Variants in KLHL12 observed in about 807,000 individuals in gnomAD.
KLHL12 encodes kelch-like protein 12.
A neutral mutation model predicts 60.8 loss-of-function variants in KLHL12; 17 were observed. The ratio of observed to expected loss-of-function variants is 0.28; its 90% CI spans 0.19 to 0.42. KLHL12 has a LOEUF of 0.42. KLHL12 is among the 10% of genes least tolerant of loss of function. The probability of loss-of-function intolerance (pLI) is 1.00; values close to 1 mark genes in which losing one functional copy is unlikely to be tolerated. For missense variants in KLHL12, 468 were observed against 722.3 expected (o/e 0.65, Z 4.04); for synonymous variants, 220 against 250.9 (o/e 0.88, Z 1.16).
chr1:202,894,163 C>T, intron 10 of KLHL12, 21 bp downstream of exon 10: 1 of 1,411,238 alleles, frequency 7.1e-7, no homozygotes, highest in South Asian at 1.2e-5. Context: ...CTATTGTCCC[C>T]TCCCTCAGAT....
intron 2 of KLHL12, among the ~76,000 whole-genome samples, chr1:202,924,673 G>C (rs1653434168): frequency 6.6e-6 from 1 of 152,186 alleles, no homozygotes; most frequent in South Asian, 2.1e-4. Context: ...AAATCCAATA[G>C]CTGACATGTG....
chr1:202,901,392 A>G (rs558037510), intron 6 of KLHL12, among the ~76,000 whole-genome samples: 1 of 152,020 alleles, frequency 6.6e-6, no homozygotes, highest in African/African-American at 2.4e-5. Context: ...CCCAGGCTCA[A>G]GCAATCCTCC....
intron 4 of KLHL12, among the ~76,000 whole-genome samples, chr1:202,915,504 C>T (rs1457956847): frequency 7.2e-5 from 11 of 152,178 alleles, no homozygotes; most frequent in Admixed American, 6.5e-4. Flanking sequence ...AGTTCTCAAG[C>T]TGTTTTTCAT....
At position 202,892,049 on chromosome 1, in the gene KLHL12, G is replaced by C. The variant is rs1218372752; in HGVS notation, c.*484C>G. The C allele has an allele frequency of 6.9e-6, 1 of 145,844 alleles. No homozygotes were observed. Among genetic ancestry groups the C allele is most frequent in the Non-Finnish European group, 1.5e-5 (1 of 67,220 alleles). The allele number at this position is 145,844 out of a possible 1,614,324, so 9.0% of individuals were successfully genotyped here. A position where few individuals can be genotyped will look rare whatever the true frequency, so the allele number is the denominator to read the frequency against. ...CTAGAATGGAACTGTGTTGCCCCTA[G>C]CTACCTGTATATGAGAAAATGTAGT... is the stretch of plus-strand genomic sequence containing the variant. On this transcript the variant is annotated 3_prime_UTR_variant, in exon 12 of 12. Coordinates refer to ENST00000367261, the MANE Select transcript of KLHL12 (RefSeq NM_021633.4).
rs1659729067 is a variant in KLHL12 at position 202,893,148 on chromosome 1, A to G, written c.1580+91T>C. ...CCACTGGAGATGTCTACCCCTACCC[A>G]AGTCTTGTCTCTGTCCAAAAATGAG... On this transcript the variant is annotated intron_variant, in intron 11 of 11. Transcript: ENST00000367261. This position sits in a 1 kb window ranked among gnomAD's most constrained non-coding sequence, Gnocchi z 4.1. The G allele has an allele frequency of 4.7e-5, 49 of 1,053,392 alleles. 1 individual carries two copies. The South Asian group carries it at 8.3e-4, about 18-fold the overall frequency. 65.3% of individuals were successfully genotyped at this position (1,053,392 alleles called of 1,614,324 possible). A position where few individuals can be genotyped will look rare whatever the true frequency, so the allele number is the denominator to read the frequency against.
intron 3 of KLHL12, among the ~76,000 whole-genome samples, chr1:202,918,764 G>T (rs1450274270): frequency 1.3e-5 from 2 of 152,136 alleles, no homozygotes; most frequent in Admixed American, 6.6e-5. Flanking sequence ...CTTACTAAAA[G>T]ACTAGAGTGA....
rs1659667328 is a variant in KLHL12 at position 202,891,251 on chromosome 1, A to C, written c.*1282T>G. The C allele has an allele frequency of 6.5e-6, 1 of 152,674 alleles. No homozygotes were observed. Among genetic ancestry groups the C allele is most frequent in the Non-Finnish European group, 1.5e-5 (1 of 68,050 alleles). 9.5% of individuals were successfully genotyped at this position (152,674 alleles called of 1,614,324 possible). A position where few individuals can be genotyped will look rare whatever the true frequency, so the allele number is the denominator to read the frequency against. On this transcript the variant is annotated 3_prime_UTR_variant, in exon 12 of 12. Coordinates refer to ENST00000367261, the MANE Select transcript of KLHL12 (RefSeq NM_021633.4). Reference sequence around the variant, plus strand: ...AGGTTGTTTAGGTTATCACATTCCCACACTCCTAATACCCACAAAACAAGA... The same window carrying C: ...AGGTTGTTTAGGTTATCACATTCCCCCACTCCTAATACCCACAAAACAAGA...
At chr1:202,920,760 ATAAG>A (rs766654277) in intron 2 of KLHL12, among the ~76,000 whole-genome samples, 3 of 152,216 alleles carry the variant, frequency 2.0e-5, no homozygotes, top group African/African-American at 7.2e-5. Context: ...TACGCCAGGA[ATAAG>A]TAATAGGTAA....
chr1:202,920,042 G>GAGCCACCGCGCCCGGCCAATTTT, intron 2 of KLHL12, 134 bp from the exon 3 acceptor site: 1 of 799,540 alleles, frequency 1.3e-6, no homozygotes, highest in African/African-American at 1.8e-5. Context: ...GGCCAGGCGT[G>GAGCCACCGCGCCCGGCCAATTTT]GTGGCTCATG....
chr1:202,911,165 G>A lies in KLHL12; in HGVS notation c.606C>T (p.Asn202=). The A allele has an allele frequency of 1.9e-6, 3 of 1,614,074 alleles. No homozygotes were observed. Among genetic ancestry groups the A allele is most frequent in the Non-Finnish European group, 2.5e-6 (3 of 1,180,012 alleles). Reference sequence around the variant, plus strand: ...GCTCTTTCTTGGCATGCTTCACCCAGTTGATGACAGCCTCAAAGACTGGCT... The same window carrying A: ...GCTCTTTCTTGGCATGCTTCACCCAATTGATGACAGCCTCAAAGACTGGCT... ...SEEPVFEAVI[N]WVKHAKKERE... The change falls in exon 5 of 12, where the codon AAC becomes AAT. Residue 202 remains asparagine (N), a synonymous_variant. Coordinates refer to ENST00000367261, the MANE Select transcript of KLHL12 (RefSeq NM_021633.4).
In KLHL12 at chr1:202,893,251, TAG is replaced by T; in HGVS notation, c.1566_1567del (p.Tyr523CysfsTer6). ...TCTAAATCCTCACCCTGCAATTGCATAGAGTCTCCCCCGAAGCACTGTGGCCC... is the reference window on the plus strand; with the variant it reads ...TCTAAATCCTCACCCTGCAATTGCATAGTCTCCCCCGAAGCACTGTGGCCC... On this transcript the variant is annotated frameshift_variant, in exon 11 of 12. Coordinates refer to ENST00000367261, the MANE Select transcript of KLHL12 (RefSeq NM_021633.4). LOFTEE classifies it high-confidence loss of function. The surrounding 1 kb of genome is among the most constrained non-coding windows in gnomAD (Gnocchi z 4.1). 1 of 1,604,782 alleles carries T rather than the reference TAG, an allele frequency of 6.2e-7. No homozygotes were observed. The highest frequency in any genetic ancestry group is 8.5e-7 in the Non-Finnish European group (1 of 1,176,420).
chr1:202,913,808 T>C (rs1482195954), intron 4 of KLHL12, among the ~76,000 whole-genome samples: 1 of 152,144 alleles, frequency 6.6e-6, no homozygotes, highest in African/African-American at 2.4e-5. Context: ...AGAAATGCAT[T>C]GTCCAATACA....
intron 2 of KLHL12, among the ~76,000 whole-genome samples, chr1:202,924,184 A>G (rs1452712121): frequency 6.6e-6 from 1 of 152,228 alleles, no homozygotes; most frequent in East Asian, 1.9e-4. Flanking sequence ...GTTTCTTAAT[A>G]CTTTGTGAGC....
chr1:202,910,603 G>C (rs921531388), intron 5 of KLHL12, among the ~76,000 whole-genome samples: 1 of 152,126 alleles, frequency 6.6e-6, no homozygotes, highest in African/African-American at 2.4e-5. Flanking sequence ...TTAAGTTGGA[G>C]AAACACTTTT....
rs200428678 is a variant in KLHL12, at chr1:202,918,330, C to A, written c.408G>T (p.Leu136=). 3.5e-5 allele frequency: 57 copies of A among 1,614,074 alleles called. No homozygotes were observed. The highest frequency in any genetic ancestry group is 6.7e-5 in the Admixed American group (4 of 60,004). Residue 136 remains leucine (L), a synonymous_variant, in exon 4 of 12, where the codon CTG becomes CTT. Transcript: ENST00000367261. ...GGGTTTCAGCAAAATCCCTAATACCCAGGCAATTAGAAGGGTCCAACTGAC... is the reference window on the plus strand; with the variant it reads ...GGGTTTCAGCAAAATCCCTAATACCAAGGCAATTAGAAGGGTCCAACTGAC... ...LESQLDPSNC[L]GIRDFAETHN... is the part of the protein sequence containing the mutation.
chr1:202,912,510 G>C, intron 4 of KLHL12: 1 of 961,604 alleles, frequency 1.0e-6, no homozygotes, highest in Non-Finnish European at 1.7e-6. Flanking sequence ...AATGGATTTG[G>C]TAATGATGGA....
In KLHL12 at chr1:202,892,137, C is replaced by G. The variant is rs977992249; in HGVS notation, c.*396G>C. 1 of 152,938 alleles carries G rather than the reference C, an allele frequency of 6.5e-6. No individual in the cohort carries two copies. Among genetic ancestry groups the G allele is most frequent in the African/African-American group, 2.5e-5 (1 of 40,778 alleles). The allele number at this position is 152,938 out of a possible 1,614,324, so 9.5% of individuals were successfully genotyped here. A position where few individuals can be genotyped will look rare whatever the true frequency, so the allele number is the denominator to read the frequency against. ...AAGTTTACTTAAACTGGTATCTTTC[C>G]AATCATCTAGGCTGGATATTGCCCA... On this transcript the variant is annotated 3_prime_UTR_variant, in exon 12 of 12. Coordinates refer to ENST00000367261, the MANE Select transcript of KLHL12 (RefSeq NM_021633.4).
At chr1:202,925,751 C>A (rs924190113) in intron 1 of KLHL12, among the ~76,000 whole-genome samples, 1 of 152,050 alleles carries the variant, frequency 6.6e-6, no homozygotes. Flanking sequence ...AAACTTTTTT[C>A]TAAAGAAGTA....
chr1:202,896,482 C>T (rs964744046), intron 7 of KLHL12, among the ~76,000 whole-genome samples: 2 of 152,178 alleles, frequency 1.3e-5, no homozygotes, highest in Non-Finnish European at 1.5e-5. Flanking sequence ...TGAGCTACCA[C>T]GCCCAGCCCA....
Sources: allele counts gnomAD v4.1 joint callset (sites outside exome capture counted in the v4.1 genomes callset), GRCh38; gene constraint gnomAD v4.1.1; non-coding constraint Gnocchi (gnomAD v3.1); transcripts MANE v1.5; gene names NCBI Gene and HGNC (gene_info 2026-07-23, HGNC 2026-07-21).